IFT88: variants seen among roughly 807,000 people sequenced by gnomAD.
IFT88 encodes intraflagellar transport protein 88 homolog.
A neutral mutation model predicts 119.5 loss-of-function variants in IFT88; 74 were observed. The ratio of observed to expected loss-of-function variants is 0.62; its 90% CI spans 0.51 to 0.75. The LOEUF is 0.75. Among genes scored for constraint, IFT88 ranks in the 30% least tolerant of loss-of-function variants. IFT88 has a pLI of 0.00. For synonymous variants in IFT88, 279 were observed against 316.7 expected, an observed-to-expected ratio of 0.88 and a Z score of 1.26; for missense variants, 961 against 977.7, an observed-to-expected ratio of 0.98 and a Z score of 0.23.
intron 24 of IFT88, among the ~76,000 whole-genome samples, chr13:20,674,313 T>C (rs1594844100): frequency 6.6e-6 from 1 of 152,248 alleles, no homozygotes; most frequent in Non-Finnish European, 1.5e-5. Context: ...ATTGTTTTGG[T>C]TGAATTTTGT....
intron 9 of IFT88, among the ~76,000 whole-genome samples, chr13:20,597,693 A>C (rs4770060): frequency 6.6e-6 from 1 of 150,568 alleles, no homozygotes; most frequent in Non-Finnish European, 1.5e-5. Flanking sequence ...GCGGCGAGCC[A>C]AGATCTTGCC....
chr13:20,656,783 G>A (rs1566380441), intron 22 of IFT88, among the ~76,000 whole-genome samples: 1 of 152,148 alleles, frequency 6.6e-6, no homozygotes, highest in African/African-American at 2.4e-5. Context: ...GTCCATTTTA[G>A]TAAACAACTT....
rs1320103166 is a variant in IFT88 at position 20,580,014 on chromosome 13, C to T, written c.91-2943C>T. On this transcript the variant is annotated intron_variant, in intron 2 of 25. Coordinates refer to ENST00000351808, the MANE Select transcript of IFT88 (RefSeq NM_006531.5). ...AGTAATCCCATCACTCAAGAAATAA[C>T]TACTGTCAACATTTTAAACATTTTT... 2.6e-5 allele frequency among the ~76,000 whole-genome samples: 4 copies of T among 152,286 alleles called. No homozygotes were observed. In the South Asian group the frequency reaches 8.3e-4, roughly 32 times the overall value.
At chr13:20,607,591 T>G in intron 13 of IFT88, 1 of 749,822 alleles carries the variant, frequency 1.3e-6, no homozygotes, top group African/African-American at 1.7e-5. Flanking sequence ...ATCCACCATC[T>G]CCCGCTGCTC....
chr13:20,642,696 G>A (rs1456768907), intron 18 of IFT88: 1 of 151,942 alleles, frequency 6.6e-6, no homozygotes. Flanking sequence ...AACTGCCAGT[G>A]TCATTATCTT....
At chr13:20,618,169 C>A (rs895870274) in intron 14 of IFT88, among the ~76,000 whole-genome samples, 22 of 152,192 alleles carry the variant, frequency 1.4e-4, no homozygotes, top group Non-Finnish European at 2.6e-4. Context: ...ATCCGCTCGC[C>A]TTGGCCTCCC....
chr13:20,583,123 T>C (rs2039021878), intron 3 of IFT88, 104 bp downstream of exon 3: 2 of 625,854 alleles, frequency 3.2e-6, no homozygotes, highest in Admixed American at 2.7e-5. Flanking sequence ...TTAAAGATTA[T>C]AACCATCATT....
chr13:20,621,526 TAAAAAAAAAAAAAAAAAA>T (rs200491393), intron 14 of IFT88, among the ~76,000 whole-genome samples: 3,642 of 130,808 alleles, frequency 0.028, 162 homozygotes, highest in African/African-American at 0.095. Context: ...CCTGCTGAGA[TAAAAAAAAAAAAAAAAAA>T]AAAAAAAAAA....
chr13:20,599,387 A>AC (rs2042247375), intron 10 of IFT88, 64 bp from the exon 11 acceptor site: 1 of 607,072 alleles, frequency 1.6e-6, no homozygotes, highest in Non-Finnish European at 2.9e-6. Flanking sequence ...ATTAAAAGTC[A>AC]TCTAAAATAT....
chr13:20,648,908 G>C (rs2051160531), intron 20 of IFT88, among the ~76,000 whole-genome samples: 1 of 152,110 alleles, frequency 6.6e-6, no homozygotes, highest in South Asian at 2.1e-4. Context: ...CAGGCTTTAA[G>C]TCACAAAAGG....
At chr13:20,632,177 C>T (rs1185848441) in intron 16 of IFT88, 1 of 151,444 alleles carries the variant, frequency 6.6e-6, no homozygotes. Context: ...TTTCATTTGC[C>T]ACTTTGAGAA....
intron 24 of IFT88, among the ~76,000 whole-genome samples, chr13:20,681,220 A>G (rs1168284667): frequency 6.6e-6 from 1 of 152,252 alleles, no homozygotes. Flanking sequence ...TGGAATGCAC[A>G]TGACCGTGAA....
At chr13:20,612,170 C>T (rs889732703) in intron 13 of IFT88, 2 of 152,094 alleles carry the variant, frequency 1.3e-5, no homozygotes, top group Non-Finnish European at 2.9e-5. Flanking sequence ...AATATCTTCT[C>T]AGCCGTGTGG....
In IFT88 at chr13:20,618,444, CAG is replaced by C. The variant is rs1017547872; in HGVS notation, c.1199+2566_1199+2567del. Among the ~76,000 whole-genome samples the C allele has an allele frequency of 1.4e-4, 22 of 152,226 alleles. No homozygotes were observed. In the East Asian group the frequency reaches 3.9e-3, roughly 27 times the overall value. On this transcript the variant is annotated intron_variant, in intron 14 of 25. Coordinates refer to ENST00000351808, the MANE Select transcript of IFT88 (RefSeq NM_006531.5). ...CAGTGGTATGACTGCATATTAAAAT[CAG>C]GGGATTTTAAATAGTCCCAACACAC...
chr13:20,622,357 T>C (rs2046676941), intron 14 of IFT88, among the ~76,000 whole-genome samples: 1 of 152,214 alleles, frequency 6.6e-6, no homozygotes, highest in Admixed American at 6.5e-5. Flanking sequence ...AGGAGCGTGA[T>C]TATTGGAAAT....
intron 9 of IFT88, 56 bp downstream of exon 9, chr13:20,597,175 G>A: frequency 4.8e-6 from 4 of 840,410 alleles, no homozygotes; most frequent in South Asian, 3.9e-5. Flanking sequence ...GGGTTAATGG[G>A]TTCCAGAGTC....
chr13:20,686,751 A>G (rs984056238), intron 24 of IFT88, among the ~76,000 whole-genome samples: 2 of 152,306 alleles, frequency 1.3e-5, no homozygotes, highest in South Asian at 2.1e-4. Context: ...TTACTGCTAT[A>G]AATTATTTTT....
intron 16 of IFT88, among the ~76,000 whole-genome samples, chr13:20,632,624 A>C (rs1008640431): frequency 4.6e-5 from 7 of 152,212 alleles, no homozygotes; most frequent in Non-Finnish European, 1.0e-4. Flanking sequence ...GTCCTGACCC[A>C]ACTGAAATAT....
At chr13:20,572,399 A>G (rs1392981413) in intron 1 of IFT88, among the ~76,000 whole-genome samples, 13 of 152,050 alleles carry the variant, frequency 8.5e-5, no homozygotes, top group Admixed American at 7.9e-4. Flanking sequence ...TTGTATTTTT[A>G]GTAGCGATGG....
Sources: allele counts gnomAD v4.1 joint callset (sites outside exome capture counted in the v4.1 genomes callset), GRCh38; gene constraint gnomAD v4.1.1; transcripts MANE v1.5; gene names NCBI Gene and HGNC (gene_info 2026-07-23, HGNC 2026-07-21).